Variants in ECHDC1 observed in about 807,000 individuals in gnomAD.
ECHDC1 encodes the protein ethylmalonyl-CoA decarboxylase 1, also known as ethylmalonyl-CoA decarboxylase.
Under a neutral mutation model 29.7 loss-of-function variants are expected in ECHDC1, and 29 were observed. The observed-to-expected ratio is 0.98, with a 90% CI of 0.73 to 1.33. The LOEUF is 1.33. ECHDC1 is among the 40% of genes most tolerant of loss of function. The probability of loss-of-function intolerance (pLI) is 0.00; values close to 1 mark genes in which losing one functional copy is unlikely to be tolerated. For missense variants in ECHDC1, 328 were observed against 350.0 expected, an observed-to-expected ratio of 0.94 and a Z score of 0.50; for synonymous variants, 126 against 123.1, an observed-to-expected ratio of 1.02 and a Z score of -0.15.
At position 127,330,884 on chromosome 6, in the gene ECHDC1, T is replaced by C. The variant is rs549604108; in HGVS notation, c.145A>G (p.Ile49Val). 12 of 1,614,172 alleles carry C rather than the reference T, an allele frequency of 7.4e-6. No individual in the cohort carries two copies. In the East Asian group the frequency reaches 2.5e-4, roughly 33 times the overall value. Residue 49 changes from isoleucine (I) to valine (V), a missense_variant, in exon 2 of 6, where the codon ATT (isoleucine) becomes GTT (valine). Ile to Val is a conservative substitution (Grantham distance 29). Coordinates refer to ENST00000454859, the MANE Select transcript of ECHDC1 (RefSeq NM_001002030.2). ...CCATTGTCTTCCTTCTGAAGGTCAATGGATCCACCAGGAAACTGCTGAAGT... is the reference window on the plus strand; with the variant it reads ...CCATTGTCTTCCTTCTGAAGGTCAACGGATCCACCAGGAAACTGCTGAAGT... ...KTLQQFPGGS[I>V]DLQKEDNGIG...
At chr6:127,334,292 C>A (rs754411951) in intron 1 of ECHDC1, among the ~76,000 whole-genome samples, 32 of 152,222 alleles carry the variant, frequency 2.1e-4, no homozygotes, top group Non-Finnish European at 2.6e-4. Flanking sequence ...TATCATCAAC[C>A]CTGTAATCTA....
intron 5 of ECHDC1, among the ~76,000 whole-genome samples, chr6:127,309,117 A>T (rs1781672817): frequency 6.6e-6 from 1 of 152,176 alleles, no homozygotes; most frequent in Non-Finnish European, 1.5e-5. Context: ...TAAAATTTAT[A>T]TGGAACCACA....
Position 127,331,031 on chromosome 6 carries a change from C to G in ECHDC1, c.-2-1G>C. 6.2e-7 allele frequency: 1 copy of G among 1,611,392 alleles called. No homozygotes were observed. Among genetic ancestry groups the G allele is most frequent in the Non-Finnish European group, 8.5e-7 (1 of 1,179,640 alleles). On this transcript the variant is annotated splice_acceptor_variant, in intron 1 of 5. Transcript: ENST00000454859. LOFTEE classifies it low-confidence loss of function (5UTR_SPLICE). ...GTCTTCAAAAGACTTTTCGCCATTT[C>G]TGGAAAACAGAAATAAGTATGCGGT...
intron 2 of ECHDC1, among the ~76,000 whole-genome samples, chr6:127,329,296 C>T (rs887455385): frequency 8.5e-5 from 13 of 152,206 alleles, no homozygotes; most frequent in Non-Finnish European, 1.6e-4. Context: ...GCTCATTCAT[C>T]CTCTCCCAAT....
intron 5 of ECHDC1, among the ~76,000 whole-genome samples, chr6:127,306,816 G>C (rs1051308046): frequency 6.6e-6 from 1 of 152,130 alleles, no homozygotes; most frequent in Non-Finnish European, 1.5e-5. Flanking sequence ...CTGCACTATA[G>C]AAACAAATGT....
intron 5 of ECHDC1, among the ~76,000 whole-genome samples, chr6:127,299,370 AG>A (rs752268729): frequency 5.6e-4 from 85 of 151,370 alleles, no homozygotes; most frequent in Non-Finnish European, 1.0e-3. Context: ...ATATATGTGG[AG>A]GGGTAGGACA....
rs938757933 is a variant in ECHDC1 at position 127,303,694 on chromosome 6, G to C, written c.497+11122C>G. 8.5e-4 allele frequency among the ~76,000 whole-genome samples: 129 copies of C among 152,236 alleles called. 2 individuals carry two copies. Among genetic ancestry groups the C allele is most frequent in the African/African-American group, 3.0e-3 (126 of 41,466 alleles). ...GCAAGTGATCCTGAAGATCTAGCTA[G>C]GGTTATTGATGAAGGTGGCTACACT... On this transcript the variant is annotated intron_variant, in intron 5 of 5. Transcript: ENST00000454859.
intron 3 of ECHDC1, among the ~76,000 whole-genome samples, chr6:127,317,007 A>C (rs555252308): frequency 6.6e-6 from 1 of 152,180 alleles, no homozygotes; most frequent in East Asian, 1.9e-4. Context: ...TAGCTCACAT[A>C]CTTTCTTCAA....
At chr6:127,298,404 G>C (rs919162394) in intron 5 of ECHDC1, among the ~76,000 whole-genome samples, 1 of 152,028 alleles carries the variant, frequency 6.6e-6, no homozygotes, top group Non-Finnish European at 1.5e-5. Flanking sequence ...AGTTTTGAGA[G>C]ATTTTTCTCT....
At chr6:127,314,785 G>C (rs1782221616) in intron 5 of ECHDC1, 31 bp downstream of exon 5, 1 of 1,545,096 alleles carries the variant, frequency 6.5e-7, no homozygotes, top group Non-Finnish European at 8.8e-7. Context: ...AATTATATTT[G>C]TGCAAGAAAT....
At chr6:127,311,669 C>CAAAAAAAAAAAAAAAAA (rs71272311) in intron 5 of ECHDC1, among the ~76,000 whole-genome samples, 16 of 25,038 alleles carry the variant, frequency 6.4e-4, no homozygotes, top group Admixed American at 1.2e-3. Context: ...GGCTCTGTCT[C>CAAAAAAAAAAAAAAAAA]AAAAAAAAAA....
At chr6:127,298,211 G>C (rs1295329488) in intron 5 of ECHDC1, among the ~76,000 whole-genome samples, 1 of 152,098 alleles carries the variant, frequency 6.6e-6, no homozygotes, top group Non-Finnish European at 1.5e-5. Flanking sequence ...CGCCTTTCCT[G>C]CAAGTTTGTA....
chr6:127,318,921 A>T (rs943444303), intron 3 of ECHDC1, among the ~76,000 whole-genome samples: 1 of 152,248 alleles, frequency 6.6e-6, no homozygotes, highest in Non-Finnish European at 1.5e-5. Context: ...AGGCACGAGG[A>T]GCTAAAAAGC....
chr6:127,330,992 C>T lies in ECHDC1; in HGVS notation c.37G>A (p.Gly13Arg). Residue 13 changes from glycine to arginine, a missense_variant, in exon 2 of 6, where the codon GGA becomes AGA. Gly to Arg is a moderately radical substitution (Grantham distance 125). Transcript: ENST00000454859. ...GTTTGATGTAGCAATTTTGTCCTTC[C>T]AGACAGAGAGGCTGTCTTCAAAAGA... ...KSLLKTASLS[G>R]RTKLLHQTGL... 1 of 1,613,752 alleles carries T rather than the reference C, an allele frequency of 6.2e-7. No homozygotes were observed.
At chr6:127,311,669 C>CAAAAA (rs71272311) in intron 5 of ECHDC1, among the ~76,000 whole-genome samples, 557 of 24,870 alleles carry the variant, frequency 0.022, 1 homozygote, top group Non-Finnish European at 0.033. Flanking sequence ...GGCTCTGTCT[C>CAAAAA]AAAAAAAAAA....
intron 1 of ECHDC1, among the ~76,000 whole-genome samples, chr6:127,334,666 C>T (rs554934866): frequency 1.6e-4 from 24 of 152,000 alleles, no homozygotes; most frequent in Admixed American, 5.2e-4. Context: ...TAACCAGAGT[C>T]CCACAAATTT....
At chr6:127,342,471 CAAG>C (rs1785036590) in intron 1 of ECHDC1, 1 of 1,308,272 alleles carries the variant, frequency 7.6e-7, no homozygotes, top group East Asian at 2.6e-5. Context: ...AATAAAAAAT[CAAG>C]AAAGGATCGC....
chr6:127,304,333 C>T (rs1305577342), intron 5 of ECHDC1, among the ~76,000 whole-genome samples: 2 of 152,280 alleles, frequency 1.3e-5, no homozygotes, highest in East Asian at 3.9e-4. Flanking sequence ...AGAACCAGAG[C>T]ATTACGGGGC....
intron 1 of ECHDC1, chr6:127,342,831 TGAAA>T (rs1357270737): frequency 6.4e-6 from 1 of 155,566 alleles, no homozygotes; most frequent in Non-Finnish European, 1.4e-5. Context: ...AATTCTCCAA[TGAAA>T]GAACCTCTAC....
Sources: allele counts gnomAD v4.1 joint callset (sites outside exome capture counted in the v4.1 genomes callset), GRCh38; gene constraint gnomAD v4.1.1; transcripts MANE v1.5; gene names NCBI Gene and HGNC (gene_info 2026-07-23, HGNC 2026-07-21).